The following ANKRD12 variants were observed in gnomAD, a reference collection of about 807,000 sequenced individuals.
ANKRD12 encodes ankyrin repeat domain 12.
In ANKRD12, 85 loss-of-function variants were observed where a neutral mutation model predicts 183.4. The ratio of observed to expected loss-of-function variants is 0.46; its 90% CI spans 0.39 to 0.56. The LOEUF is 0.56. Among genes scored for constraint, ANKRD12 ranks in the 20% least tolerant of loss-of-function variants. ANKRD12 has a pLI of 0.00. For synonymous variants in ANKRD12, 914 were observed against 800.2 expected, an observed-to-expected ratio of 1.14 and a Z score of -2.40; for missense variants, 2,405 against 2,357.1, an observed-to-expected ratio of 1.02 and a Z score of -0.42.
At chr18:9,186,136 G>GTTTTTTTTTTTTTTTTTT in intron 2 of ANKRD12, among the ~76,000 whole-genome samples, 21 of 141,936 alleles carry the variant, frequency 1.5e-4, no homozygotes, top group South Asian at 6.6e-4. Context: ...CTAAAAGTGT[G>GTTTTTTTTTTTTTTTTTT]ATTTTTTTTT....
At chr18:9,229,633 A>G (rs1180649534) in intron 8 of ANKRD12, among the ~76,000 whole-genome samples, 1 of 152,114 alleles carries the variant, frequency 6.6e-6, no homozygotes, top group Non-Finnish European at 1.5e-5. Context: ...TAAAAATGCT[A>G]CTGATTTTTG....
At chr18:9,173,980 T>C (rs2033013128) in intron 1 of ANKRD12, among the ~76,000 whole-genome samples, 1 of 152,254 alleles carries the variant, frequency 6.6e-6, no homozygotes, top group Non-Finnish European at 1.5e-5. Context: ...ATCAGAGTAC[T>C]GTTCATATAA....
rs2040181534 is a variant in ANKRD12 at position 9,284,527 on chromosome 18, A to G, written c.*3401A>G. On this transcript the variant is annotated 3_prime_UTR_variant, in exon 13 of 13. Coordinates refer to ENST00000262126, the MANE Select transcript of ANKRD12 (RefSeq NM_015208.5). Reference sequence around the variant, plus strand: ...GGAAGCATTTTCACCGTTTGTAAAAATTATTTTTAAATATTTAGGGCAAAA... The same window carrying G: ...GGAAGCATTTTCACCGTTTGTAAAAGTTATTTTTAAATATTTAGGGCAAAA... 6.6e-6 allele frequency: 1 copy of G among 152,220 alleles called. No individual in the cohort carries two copies. The highest frequency in any genetic ancestry group is 2.4e-5 in the African/African-American group (1 of 41,456). The allele number at this position is 152,220 out of a possible 1,614,324, so 9.4% of individuals were successfully genotyped here.
rs2038730957 is a variant in ANKRD12 at position 9,257,862 on chromosome 18, G to T, written c.4595G>T (p.Ser1532Ile). 1.2e-6 allele frequency: 2 copies of T among 1,613,532 alleles called. No individual in the cohort carries two copies. The highest frequency in any genetic ancestry group is 1.7e-6 in the Non-Finnish European group (2 of 1,179,914). The change falls in exon 9 of 13, where the codon AGT becomes ATT. Residue 1532 changes from serine to isoleucine, a missense_variant. By Grantham distance (142) the Ser-to-Ile change is moderately radical. Transcript: ENST00000262126. ...CAAAAAAATGCAGTTCAGATTATTA[G>T]TTCTGCTTTAGATACTGATAATGAA... ...LQQKNAVQII[S>I]SALDTDNEST...
In ANKRD12 at chr18:9,283,363, A is replaced by C. The variant is rs985660351; in HGVS notation, c.*2237A>C. 1 of 152,204 alleles carries C rather than the reference A, an allele frequency of 6.6e-6. No individual in the cohort carries two copies. Among genetic ancestry groups the C allele is most frequent in the South Asian group, 2.1e-4 (1 of 4,836 alleles). The allele number at this position is 152,204 out of a possible 1,614,324, so 9.4% of individuals were successfully genotyped here. A position where few individuals can be genotyped will look rare whatever the true frequency, so the allele number is the denominator to read the frequency against. On this transcript the variant is annotated 3_prime_UTR_variant, in exon 13 of 13. Transcript: ENST00000262126. ...TCTCACTCTCTTAAATGGTACCTCA[A>C]AAAGCTGGAGCCTCTCTGCCATGAT... is the stretch of plus-strand genomic sequence containing the variant.
At chr18:9,150,975 T>A (rs2078666637) in intron 1 of ANKRD12, among the ~76,000 whole-genome samples, 1 of 146,660 alleles carries the variant, frequency 6.8e-6, no homozygotes, top group East Asian at 2.0e-4. Flanking sequence ...AAAAAAAAAA[T>A]GATGCTAATT....
rs968324648 is a variant in ANKRD12 at position 9,284,553 on chromosome 18, T to G, written c.*3427T>G. On this transcript the variant is annotated 3_prime_UTR_variant, in exon 13 of 13. Transcript: ENST00000262126. ...TTATTTTTAAATATTTAGGGCAAAATTTTTGTTAGATAATAATGGAAAAGC... is the reference window on the plus strand; with the variant it reads ...TTATTTTTAAATATTTAGGGCAAAAGTTTTGTTAGATAATAATGGAAAAGC... The G allele has an allele frequency of 3.9e-5, 6 of 152,188 alleles. No individual in the cohort carries two copies. Among genetic ancestry groups the G allele is most frequent in the Non-Finnish European group, 5.9e-5 (4 of 68,034 alleles). The allele number at this position is 152,188 out of a possible 1,614,324, so 9.4% of individuals were successfully genotyped here.
chr18:9,195,483 T>A, intron 2 of ANKRD12, 68 bp from the exon 3 acceptor site: 1 of 1,190,332 alleles, frequency 8.4e-7, no homozygotes, highest in Non-Finnish European at 1.1e-6. Context: ...AAATTTTCCT[T>A]AGGGGTTTCT....
In ANKRD12 at chr18:9,257,914, T is replaced by A; in HGVS notation, c.4647T>A (p.Phe1549Leu). Residue 1549 changes from phenylalanine to leucine, a missense_variant, in exon 9 of 13, where the codon TTT becomes TTA. Phe to Leu is a conservative substitution (Grantham distance 22). Around this residue, in one of 7 missense-constraint regions of ANKRD12, gnomAD observed 1,983 missense variants for 1,725.9 expected, o/e 1.15. Coordinates refer to ENST00000262126, the MANE Select transcript of ANKRD12 (RefSeq NM_015208.5). The part of the protein sequence containing the change: ...NESTKDTENT[F>L]VLGDVQKTDA... ...CTACAAAAGATACAGAAAATACTTT[T>A]GTCCTAGGAGATGTTCAAAAAACAG... is the stretch of plus-strand genomic sequence containing the variant. The A allele has an allele frequency of 6.2e-7, 1 of 1,613,996 alleles. No individual in the cohort carries two copies. The highest frequency in any genetic ancestry group is 8.5e-7 in the Non-Finnish European group (1 of 1,179,968).
At chr18:9,238,606 G>T (rs143914861) in intron 8 of ANKRD12, among the ~76,000 whole-genome samples, 425 of 152,210 alleles carry the variant, frequency 2.8e-3, no homozygotes, top group Admixed American at 5.1e-3. Context: ...CTGTTTTTGA[G>T]CACTCATTAT....
chr18:9,219,711 A>G (rs572132908), intron 7 of ANKRD12, among the ~76,000 whole-genome samples: 1 of 152,078 alleles, frequency 6.6e-6, no homozygotes, highest in African/African-American at 2.4e-5. Flanking sequence ...AAAAGAGACA[A>G]GAAAATTGAA....
Position 9,282,114 on chromosome 18 carries a change from T to C in ANKRD12, c.*988T>C, listed in dbSNP as rs1428201179. 2 of 152,636 alleles carry C rather than the reference T, an allele frequency of 1.3e-5. No individual in the cohort carries two copies. The highest frequency in any genetic ancestry group is 2.9e-5 in the Non-Finnish European group (2 of 68,016). 9.5% of individuals were successfully genotyped at this position (152,636 alleles called of 1,614,324 possible). A position where few individuals can be genotyped will look rare whatever the true frequency, so the allele number is the denominator to read the frequency against. The stretch of plus-strand genomic sequence containing the variant: ...TGAATGAAAATTCTGAAATTGTAAA[T>C]GTCTATTTTAATATTCACCTATGAA... On this transcript the variant is annotated 3_prime_UTR_variant, in exon 13 of 13. Coordinates refer to ENST00000262126, the MANE Select transcript of ANKRD12 (RefSeq NM_015208.5).
rs779487688 is a variant in ANKRD12, at chr18:9,258,649, G to A, written c.5382G>A (p.Gln1794=). 6.2e-7 allele frequency: 1 copy of A among 1,613,898 alleles called. No individual in the cohort carries two copies. Among genetic ancestry groups the A allele is most frequent in the South Asian group, 1.1e-5 (1 of 91,050 alleles). The part of the protein sequence containing the change: ...PRKRKVSRVP[Q]PVQVSPSLLQ... ...AAAGGAAAGTGTCACGTGTACCTCAGCCTGTGCAAGTGAGTCCCTCTTTAC... is the reference window on the plus strand; with the variant it reads ...AAAGGAAAGTGTCACGTGTACCTCAACCTGTGCAAGTGAGTCCCTCTTTAC... The change falls in exon 9 of 13, where the codon CAG becomes CAA. Residue 1794 remains glutamine (Q), a synonymous_variant. Coordinates refer to ENST00000262126, the MANE Select transcript of ANKRD12 (RefSeq NM_015208.5).
intron 2 of ANKRD12, among the ~76,000 whole-genome samples, chr18:9,189,264 C>G (rs1366928858): frequency 3.3e-5 from 5 of 152,162 alleles, no homozygotes; most frequent in Non-Finnish European, 7.4e-5. Context: ...TCTGTGAAGG[C>G]TGAGAGAGGT....
chr18:9,248,163 A>T (rs2038073495), intron 8 of ANKRD12, among the ~76,000 whole-genome samples: 1 of 152,142 alleles, frequency 6.6e-6, no homozygotes, highest in African/African-American at 2.4e-5. Context: ...ACCTGTAGTG[A>T]TTTGAATGTT....
chr18:9,269,417 C>T (rs1485847802), intron 10 of ANKRD12, among the ~76,000 whole-genome samples: 2 of 152,146 alleles, frequency 1.3e-5, no homozygotes, highest in Non-Finnish European at 2.9e-5. Flanking sequence ...GGTACCAAAA[C>T]AGAGATACAG....
chr18:9,210,766 T>G (rs1242137514), intron 5 of ANKRD12, among the ~76,000 whole-genome samples: 3 of 140,922 alleles, frequency 2.1e-5, no homozygotes, highest in Non-Finnish European at 4.6e-5. Context: ...TACACTTTTT[T>G]TTTTTATTGA....
At chr18:9,139,045 T>C (rs2078227061) in intron 1 of ANKRD12, among the ~76,000 whole-genome samples, 1 of 152,218 alleles carries the variant, frequency 6.6e-6, no homozygotes, top group African/African-American at 2.4e-5. Flanking sequence ...ATAATTTTCA[T>C]AGTAGTTGGT....
At chr18:9,193,048 G>A (rs553035348) in intron 2 of ANKRD12, among the ~76,000 whole-genome samples, 2 of 151,622 alleles carry the variant, frequency 1.3e-5, no homozygotes, top group African/African-American at 2.4e-5. Context: ...CCTGTCATGA[G>A]CTAGTTTTTA....
Sources: allele counts gnomAD v4.1 joint callset (sites outside exome capture counted in the v4.1 genomes callset), GRCh38; gene constraint gnomAD v4.1.1; regional missense constraint gnomAD v4.1.1; transcripts MANE v1.5; gene names NCBI Gene and HGNC (gene_info 2026-07-23, HGNC 2026-07-21).